Variants in UBAC2 observed in about 807,000 individuals in gnomAD.
UBAC2 encodes the protein ubiquitin-associated domain-containing protein 2.
In UBAC2, 26 loss-of-function variants were observed where a neutral mutation model predicts 44.0. That is an observed-to-expected ratio of 0.59 (90% CI 0.43 to 0.82). The LOEUF (loss-of-function observed/expected upper bound fraction) is 0.82, where lower values mean the gene tolerates loss of function less well. UBAC2 is among the 40% of genes least tolerant of loss of function. The pLI is 0.00. For missense variants in UBAC2, 329 were observed against 419.4 expected (o/e 0.78, Z 1.88); for synonymous variants, 155 against 154.3 (o/e 1.00, Z -0.04).
At chr13:99,209,745 G>A (rs78698370) in intron 1 of UBAC2, among the ~76,000 whole-genome samples, 4,640 of 152,260 alleles carry the variant, frequency 0.03, 92 homozygotes, top group Middle Eastern at 0.13. Context: ...AGGCCAAGGC[G>A]GGTGGATCAT....
intron 4 of UBAC2, among the ~76,000 whole-genome samples, chr13:99,272,129 G>A (rs1437972188): frequency 1.3e-5 from 2 of 152,128 alleles, no homozygotes; most frequent in Non-Finnish European, 2.9e-5. Context: ...TCCTTGAGCT[G>A]CTTAAGGTCA....
intron 7 of UBAC2, 79 bp from the exon 8 acceptor site, chr13:99,367,708 A>G (rs2045349263): frequency 1.3e-6 from 2 of 1,582,846 alleles, no homozygotes; most frequent in East Asian, 4.5e-5. Context: ...ATGTAACTGC[A>G]TTGAGAGAAA....
chr13:99,380,321 G>A (rs2045534636), intron 8 of UBAC2, among the ~76,000 whole-genome samples: 1 of 152,182 alleles, frequency 6.6e-6, no homozygotes, highest in African/African-American at 2.4e-5. Context: ...TGCTTCACAT[G>A]CCGAGTAAGC....
intron 8 of UBAC2, among the ~76,000 whole-genome samples, chr13:99,370,750 C>G (rs1479574966): frequency 6.6e-6 from 1 of 152,174 alleles, no homozygotes; most frequent in Admixed American, 6.5e-5. Context: ...TGATCCAGCC[C>G]CTCCCGCTTG....
intron 6 of UBAC2, among the ~76,000 whole-genome samples, chr13:99,338,613 T>C (rs182799284): frequency 3.5e-4 from 54 of 152,370 alleles, no homozygotes; most frequent in Admixed American, 1.8e-3. Flanking sequence ...CCTTGGAGTT[T>C]GTTTCTGTTT....
intron 5 of UBAC2, among the ~76,000 whole-genome samples, chr13:99,316,604 G>A (rs2044494657): frequency 6.6e-6 from 1 of 152,222 alleles, no homozygotes; most frequent in Admixed American, 6.5e-5. Context: ...GTGAGATGTA[G>A]CCCCTGTCCT....
At chr13:99,384,061 T>C (rs2045587071) in intron 8 of UBAC2, among the ~76,000 whole-genome samples, 1 of 152,174 alleles carries the variant, frequency 6.6e-6, no homozygotes, top group East Asian at 1.9e-4. Flanking sequence ...CGGCCCCTCC[T>C]CCAGCCACCC....
chr13:99,364,143 G>T (rs1343417541), intron 7 of UBAC2, among the ~76,000 whole-genome samples: 2 of 142,136 alleles, frequency 1.4e-5, no homozygotes, highest in African/African-American at 5.1e-5. Context: ...ATTTTTGTTT[G>T]GGTTTGGTTT....
At chr13:99,201,706 G>T (rs922557298) in intron 1 of UBAC2, 31 of 838,900 alleles carry the variant, frequency 3.7e-5, no homozygotes, top group Non-Finnish European at 4.8e-5. Context: ...TTTTGCAATT[G>T]CTTGTCACTG....
intron 4 of UBAC2, chr13:99,255,687 C>A (rs1594055084): frequency 6.2e-7 from 1 of 1,613,968 alleles, no homozygotes; most frequent in Non-Finnish European, 8.5e-7. Context: ...ATGCCACATT[C>A]ATCATATAGA....
In UBAC2 at chr13:99,200,902, C is replaced by T. The variant is rs748357810; in HGVS notation, c.-7C>T. The T allele has an allele frequency of 3.8e-6, 5 of 1,303,630 alleles. No homozygotes were observed. Among genetic ancestry groups the T allele is most frequent in the African/African-American group, 3.0e-5 (2 of 65,992 alleles). The allele number at this position is 1,303,630 out of a possible 1,614,324, so 80.8% of individuals were successfully genotyped here. ...GCGCCCTCTGGGGCTCCGAGCCCGG[C>T]GGGACCATGTTCACCAGCACCGGCT... On this transcript the variant is annotated 5_prime_UTR_variant, in exon 1 of 9. Coordinates refer to ENST00000403766, the MANE Select transcript of UBAC2 (RefSeq NM_001144072.2).
At chr13:99,336,834 TA>T (rs2044795375) in intron 6 of UBAC2, among the ~76,000 whole-genome samples, 1 of 152,156 alleles carries the variant, frequency 6.6e-6, no homozygotes, top group African/African-American at 2.4e-5. Context: ...CAAATCACTA[TA>T]AAGCAAATAT....
At chr13:99,268,985 G>C (rs1418202809) in intron 4 of UBAC2, among the ~76,000 whole-genome samples, 1 of 152,158 alleles carries the variant, frequency 6.6e-6, no homozygotes, top group Non-Finnish European at 1.5e-5. Context: ...TAAATAAGGG[G>C]GGAATGGCCT....
intron 1 of UBAC2, among the ~76,000 whole-genome samples, chr13:99,209,380 C>A (rs563838553): frequency 3.9e-5 from 6 of 152,352 alleles, no homozygotes; most frequent in African/African-American, 1.2e-4. Context: ...TGCAATCACT[C>A]TTGGAAAGTT....
chr13:99,239,563 C>T (rs534343100), intron 2 of UBAC2, among the ~76,000 whole-genome samples: 3 of 152,342 alleles, frequency 2.0e-5, no homozygotes, highest in African/African-American at 7.2e-5. Context: ...GCTTTGAGGA[C>T]CACTAATGTA....
chr13:99,264,041 C>T (rs1423318487), intron 4 of UBAC2, among the ~76,000 whole-genome samples: 3 of 152,172 alleles, frequency 2.0e-5, no homozygotes, highest in Non-Finnish European at 4.4e-5. Flanking sequence ...ATCTGTATGG[C>T]AGGATCCTGG....
intron 4 of UBAC2, among the ~76,000 whole-genome samples, chr13:99,287,786 T>C (rs2044039333): frequency 6.6e-6 from 1 of 151,980 alleles, no homozygotes; most frequent in South Asian, 2.1e-4. Flanking sequence ...CGTGCAGCCT[T>C]AACTGCTGTT....
At chr13:99,352,889 C>T (rs1231234991) in intron 7 of UBAC2, among the ~76,000 whole-genome samples, 5 of 152,212 alleles carry the variant, frequency 3.3e-5, no homozygotes, top group Non-Finnish European at 7.3e-5. Context: ...GTCTCCACCC[C>T]TGTGTCCGGG....
chr13:99,279,317 G>A (rs1210465879), intron 4 of UBAC2, among the ~76,000 whole-genome samples: 1 of 152,124 alleles, frequency 6.6e-6, no homozygotes, highest in African/African-American at 2.4e-5. Flanking sequence ...ATCAAAATTT[G>A]TATCTAGAAT....
Sources: allele counts gnomAD v4.1 joint callset (sites outside exome capture counted in the v4.1 genomes callset), GRCh38; gene constraint gnomAD v4.1.1; transcripts MANE v1.5; gene names NCBI Gene and HGNC (gene_info 2026-07-23, HGNC 2026-07-21).